The following OPCML variants were observed in gnomAD, a reference collection of about 807,000 sequenced individuals.
OPCML encodes opioid-binding protein/cell adhesion molecule.
In OPCML, 13 loss-of-function variants were observed where a neutral mutation model predicts 37.8. The observed-to-expected ratio is 0.34, with a 90% CI of 0.22 to 0.55. The LOEUF (loss-of-function observed/expected upper bound fraction) is 0.55. OPCML is among the 20% of genes least tolerant of loss of function. OPCML has a pLI of 0.91. For synonymous variants in OPCML, 176 were observed against 168.8 expected, an observed-to-expected ratio of 1.04 and a Z score of -0.33; for missense variants, 341 against 435.6, an observed-to-expected ratio of 0.78 and a Z score of 1.93.
At chr11:133,412,245 C>T (rs1945666485) in intron 1 of OPCML, among the ~76,000 whole-genome samples, 1 of 152,138 alleles carries the variant, frequency 6.6e-6, no homozygotes, top group Non-Finnish European at 1.5e-5. Context: ...AGAGGCCCAC[C>T]TAGGAGGGGC....
At chr11:132,524,858 G>A (rs1346904708) in intron 4 of OPCML, among the ~76,000 whole-genome samples, 1 of 152,186 alleles carries the variant, frequency 6.6e-6, no homozygotes, top group Non-Finnish European at 1.5e-5. Context: ...TTGGTAAGAA[G>A]GATATGTCTT....
chr11:133,504,673 G>A (rs562870400), intron 1 of OPCML, among the ~76,000 whole-genome samples: 51 of 152,306 alleles, frequency 3.3e-4, no homozygotes, highest in Middle Eastern at 3.4e-3. Flanking sequence ...TTGAGAAGCC[G>A]TCAAATGGGA....
chr11:133,140,380 C>A (rs1422907396), intron 1 of OPCML, among the ~76,000 whole-genome samples: 2 of 143,060 alleles, frequency 1.4e-5, no homozygotes, highest in Non-Finnish European at 3.0e-5. Context: ...CAGGGTGTGG[C>A]AGCGGGCACC....
chr11:133,103,898 C>T (rs922209267), intron 1 of OPCML, among the ~76,000 whole-genome samples: 20 of 152,212 alleles, frequency 1.3e-4, no homozygotes, highest in African/African-American at 4.3e-4. Flanking sequence ...CCGAAATTAC[C>T]TCCAGCTTAT....
chr11:133,371,621 G>A (rs190318105), intron 1 of OPCML, among the ~76,000 whole-genome samples: 30 of 152,280 alleles, frequency 2.0e-4, no homozygotes, highest in African/African-American at 6.5e-4. Flanking sequence ...CTGCCGCCTT[G>A]TGAAGAAGCT....
At chr11:132,669,734 C>T (rs1266298608) in intron 2 of OPCML, among the ~76,000 whole-genome samples, 1 of 152,180 alleles carries the variant, frequency 6.6e-6, no homozygotes, top group African/African-American at 2.4e-5. Context: ...AGAAAAGTGT[C>T]TTTTGAGGCA....
At chr11:133,328,405 G>A (rs572733020) in intron 1 of OPCML, among the ~76,000 whole-genome samples, 1 of 152,104 alleles carries the variant, frequency 6.6e-6, no homozygotes, top group Non-Finnish European at 1.5e-5. Context: ...TGATCCACCT[G>A]CCTCGGCCTC....
chr11:133,451,484 T>G (rs569525185), intron 1 of OPCML, among the ~76,000 whole-genome samples: 1 of 151,778 alleles, frequency 6.6e-6, no homozygotes, highest in South Asian at 2.1e-4. Context: ...ACGGCAGCTA[T>G]AAAATGAGGA....
intron 1 of OPCML, among the ~76,000 whole-genome samples, chr11:133,318,259 A>T (rs983413115): frequency 2.0e-5 from 3 of 152,190 alleles, no homozygotes; most frequent in Non-Finnish European, 1.5e-5. Flanking sequence ...CCTCTCCTTC[A>T]TCAGTCTGTG....
intron 1 of OPCML, among the ~76,000 whole-genome samples, chr11:133,180,915 C>G (rs1306474505): frequency 6.6e-6 from 1 of 151,196 alleles, no homozygotes; most frequent in Non-Finnish European, 1.5e-5. Context: ...AATCTGCATG[C>G]AAGTGTTATG....
chr11:132,997,366 A>G lies in OPCML; in HGVS notation c.62-54356T>C, dbSNP rs939809762. Among the ~76,000 whole-genome samples the G allele has an allele frequency of 3.3e-5, 5 of 151,936 alleles. No individual in the cohort carries two copies. The South Asian group carries it at 1.0e-3, about 32-fold the overall frequency. Reference sequence around the variant, plus strand: ...ATATCTCATCAGGTGTTCCCTTCCCATGTAGATCTTTTTGTTCTGAGCTGG... The same window carrying G: ...ATATCTCATCAGGTGTTCCCTTCCCGTGTAGATCTTTTTGTTCTGAGCTGG... On this transcript the variant is annotated intron_variant, in intron 1 of 7. Coordinates refer to ENST00000524381, the MANE Select transcript of OPCML (RefSeq NM_001012393.5).
chr11:133,286,928 T>A (rs1942315143), intron 1 of OPCML, among the ~76,000 whole-genome samples: 1 of 152,152 alleles, frequency 6.6e-6, no homozygotes, highest in Non-Finnish European at 1.5e-5. Context: ...GTGAAATATA[T>A]CACTGAGAGA....
chr11:132,920,812 G>A (rs996925740), intron 2 of OPCML, among the ~76,000 whole-genome samples: 2 of 152,184 alleles, frequency 1.3e-5, no homozygotes, highest in African/African-American at 4.8e-5. Context: ...AGAGAGGGTC[G>A]TCTTCTGGGC....
At chr11:133,303,104 A>G (rs1046033842) in intron 1 of OPCML, among the ~76,000 whole-genome samples, 1 of 152,214 alleles carries the variant, frequency 6.6e-6, no homozygotes, top group Non-Finnish European at 1.5e-5. Flanking sequence ...TTGCAAATAA[A>G]TAAGCATTGT....
chr11:133,129,359 C>T (rs1362434354), intron 1 of OPCML, among the ~76,000 whole-genome samples: 1 of 152,078 alleles, frequency 6.6e-6, no homozygotes, highest in Admixed American at 6.6e-5. Context: ...AGCCACCACG[C>T]AGGAAAGCCG....
intron 3 of OPCML, among the ~76,000 whole-genome samples, chr11:132,582,056 C>T (rs1458783199): frequency 2.7e-5 from 4 of 150,612 alleles, no homozygotes; most frequent in Non-Finnish European, 5.9e-5. Flanking sequence ...GCTATCTTAG[C>T]ATGAGCAATA....
At position 132,608,357 on chromosome 11, in the gene OPCML, C is replaced by T. The variant is rs189776700; in HGVS notation, c.379+48730G>A. 2.6e-5 allele frequency among the ~76,000 whole-genome samples: 4 copies of T among 152,316 alleles called. No homozygotes were observed. The East Asian group carries it at 7.7e-4, about 29-fold the overall frequency. ...ACACAATACTATGTCTCTGTTTTAT[C>T]ATTCTGACCAGTCCAGGGAAGAGGG... On this transcript the variant is annotated intron_variant, in intron 3 of 7. Coordinates refer to ENST00000524381, the MANE Select transcript of OPCML (RefSeq NM_001012393.5).
At chr11:133,438,794 T>C (rs1008012099) in intron 1 of OPCML, among the ~76,000 whole-genome samples, 2 of 152,086 alleles carry the variant, frequency 1.3e-5, no homozygotes, top group Non-Finnish European at 1.5e-5. Context: ...GGAGATGAAG[T>C]TGATCCCCAA....
intron 2 of OPCML, among the ~76,000 whole-genome samples, chr11:132,855,205 G>A (rs1287536027): frequency 3.9e-5 from 6 of 152,142 alleles, no homozygotes; most frequent in African/African-American, 1.4e-4. Flanking sequence ...TCAGATTACT[G>A]CATTCTGGTA....
Sources: gnomAD v4.1 joint callset for allele counts (sites outside exome capture counted in the v4.1 genomes callset) on GRCh38, gnomAD v4.1.1 for gene constraint, MANE v1.5 for transcripts, NCBI Gene and HGNC (gene_info 2026-07-23, HGNC 2026-07-21) for gene names.